The following C1GALT1 variants were observed in gnomAD, a reference collection of about 807,000 sequenced individuals.
C1GALT1 encodes the protein glycoprotein-N-acetylgalactosamine 3-beta-galactosyltransferase 1.
In C1GALT1, 11 loss-of-function variants were observed where a neutral mutation model predicts 31.0. The observed-to-expected ratio is 0.36, with a 90% confidence interval of 0.22 to 0.59. The LOEUF (loss-of-function observed/expected upper bound fraction) is 0.59. C1GALT1 is among the 20% of genes least tolerant of loss of function. The probability of loss-of-function intolerance (pLI) is 0.79; values close to 1 mark genes in which losing one functional copy is unlikely to be tolerated. For missense variants in C1GALT1, 424 were observed against 425.2 expected, an observed-to-expected ratio of 1.00 and a Z score of 0.03; for synonymous variants, 175 against 143.6, an observed-to-expected ratio of 1.22 and a Z score of -1.56.
intron 1 of C1GALT1, among the ~76,000 whole-genome samples, chr7:7,200,620 C>G (rs2128235476): frequency 6.6e-6 from 1 of 152,330 alleles, no homozygotes; most frequent in South Asian, 2.1e-4. Context: ...CTCCCTGTCA[C>G]TTTCAGGTAC....
At position 7,244,135 on chromosome 7, in the gene C1GALT1, T is replaced by C. The variant is rs1783753544; in HGVS notation, c.*408T>C. On this transcript the variant is annotated 3_prime_UTR_variant, in exon 4 of 4. Transcript: ENST00000436587. The stretch of plus-strand genomic sequence containing the variant: ...AAGAAAAGAAAATTTTAGAAAGAAA[T>C]ATTGTTGCTCAGTGTTGTTAATATA... 1 of 154,068 alleles carries C rather than the reference T, an allele frequency of 6.5e-6. No individual in the cohort carries two copies. The highest frequency in any genetic ancestry group is 6.5e-5 in the Admixed American group (1 of 15,442). 9.5% of individuals were successfully genotyped at this position (154,068 alleles called of 1,614,324 possible). A position where few individuals can be genotyped will look rare whatever the true frequency, so the allele number is the denominator to read the frequency against.
intron 1 of C1GALT1, among the ~76,000 whole-genome samples, chr7:7,205,959 T>G (rs1781720742): frequency 6.6e-6 from 1 of 152,188 alleles, no homozygotes. Flanking sequence ...TTTGTAGCTA[T>G]TTTGTCCTTA....
At chr7:7,206,319 T>A (rs1433428521) in intron 1 of C1GALT1, among the ~76,000 whole-genome samples, 1 of 152,182 alleles carries the variant, frequency 6.6e-6, no homozygotes, top group Non-Finnish European at 1.5e-5. Flanking sequence ...AGCTACAAGT[T>A]ATTATCTAGT....
intron 1 of C1GALT1, among the ~76,000 whole-genome samples, chr7:7,218,203 A>T (rs1278977744): frequency 6.6e-6 from 1 of 152,174 alleles, no homozygotes; most frequent in Non-Finnish European, 1.5e-5. Flanking sequence ...AGTCATAAAG[A>T]TTAAAATGGT....
At chr7:7,239,401 A>G (rs1783521236) in intron 3 of C1GALT1, among the ~76,000 whole-genome samples, 1 of 152,162 alleles carries the variant, frequency 6.6e-6, no homozygotes, top group South Asian at 2.1e-4. Flanking sequence ...TTAGAGAGCA[A>G]GTTGGGTGAA....
At chr7:7,175,847 T>C (rs56278796) in intron 2 of C1GALT1, among the ~76,000 whole-genome samples, 18,904 of 152,124 alleles carry the variant, frequency 0.12, 1,392 homozygotes, top group African/African-American at 0.2. Flanking sequence ...CTTCTCTCTG[T>C]GTCCTTACAT....
At chr7:7,195,111 AC>A (rs1398742621) in intron 1 of C1GALT1, among the ~76,000 whole-genome samples, 1 of 152,126 alleles carries the variant, frequency 6.6e-6, no homozygotes, top group Admixed American at 6.6e-5. Flanking sequence ...TTTTCAAAGA[AC>A]CAGCTTTCTG....
chr7:7,160,297 A>C (rs1179754526), intron 2 of C1GALT1, among the ~76,000 whole-genome samples: 2 of 152,036 alleles, frequency 1.3e-5, no homozygotes, highest in African/African-American at 2.4e-5. Context: ...AACTGTATAG[A>C]GTGTTATTTC....
At chr7:7,210,186 T>C (rs1781928125) in intron 1 of C1GALT1, among the ~76,000 whole-genome samples, 1 of 152,134 alleles carries the variant, frequency 6.6e-6, no homozygotes, top group Non-Finnish European at 1.5e-5. Flanking sequence ...TTTGTGACTC[T>C]TGGAACAGTA....
intron 1 of C1GALT1, among the ~76,000 whole-genome samples, chr7:7,230,621 CCTTT>C (rs1254737239): frequency 5.3e-4 from 59 of 110,806 alleles, no homozygotes; most frequent in African/African-American, 2.0e-3. Context: ...TTCTATATTC[CCTTT>C]TTTTTTTTTT....
intron 1 of C1GALT1, among the ~76,000 whole-genome samples, chr7:7,219,137 A>G (rs555194100): frequency 5.9e-5 from 9 of 152,292 alleles, no homozygotes; most frequent in Non-Finnish European, 1.3e-4. Context: ...TGCGCCTGGC[A>G]TGGAAATAGT....
intron 1 of C1GALT1, among the ~76,000 whole-genome samples, chr7:7,186,760 A>T (rs141633967): frequency 7.4e-4 from 112 of 152,294 alleles, no homozygotes; most frequent in African/African-American, 2.7e-3. Flanking sequence ...GGCACGTTTG[A>T]GGAATGACAA....
chr7:7,195,656 T>TA (rs78752002), intron 1 of C1GALT1, among the ~76,000 whole-genome samples: 32,468 of 152,018 alleles, frequency 0.21, 4,405 homozygotes, highest in African/African-American at 0.38. Flanking sequence ...TAGTTGTTGG[T>TA]AAATGTTCTG....
At chr7:7,202,080 A>G (rs376626230) in intron 1 of C1GALT1, among the ~76,000 whole-genome samples, 1 of 152,304 alleles carries the variant, frequency 6.6e-6, no homozygotes, top group African/African-American at 2.4e-5. Context: ...TCTCAGCTCC[A>G]GGTGAGGTCA....
intron 1 of C1GALT1, chr7:7,183,689 A>G (rs1203850804): frequency 1.8e-5 from 13 of 705,282 alleles, no homozygotes; most frequent in African/African-American, 2.8e-5. Flanking sequence ...ACCACCCCGC[A>G]TTTAAAGCAA....
intron 2 of C1GALT1, among the ~76,000 whole-genome samples, chr7:7,237,698 T>G (rs1783430189): frequency 6.6e-6 from 1 of 152,222 alleles, no homozygotes; most frequent in Non-Finnish European, 1.5e-5. Flanking sequence ...AGGGTACTTG[T>G]AGAAATTCTT....
upstream of C1GALT1, among the ~76,000 whole-genome samples, chr7:7,181,387 C>A (rs1780585213): frequency 6.6e-6 from 1 of 152,134 alleles, no homozygotes; most frequent in African/African-American, 2.4e-5. Context: ...ATAACCTGGA[C>A]ATCAGGATAG....
At chr7:7,208,106 ATGTTAC>A (rs1423240740) in intron 1 of C1GALT1, among the ~76,000 whole-genome samples, 39 of 152,136 alleles carry the variant, frequency 2.6e-4, no homozygotes, top group African/African-American at 9.2e-4. Context: ...CACGTTGTAT[ATGTTAC>A]TCACCCGATA....
At chr7:7,205,718 G>C (rs949978481) in intron 1 of C1GALT1, among the ~76,000 whole-genome samples, 1 of 152,002 alleles carries the variant, frequency 6.6e-6, no homozygotes, top group Non-Finnish European at 1.5e-5. Context: ...TCTGATATTA[G>C]TATGGCACTT....
Sources: gnomAD v4.1 joint callset for allele counts (sites outside exome capture counted in the v4.1 genomes callset) on GRCh38, gnomAD v4.1.1 for gene constraint, MANE v1.5 for transcripts, NCBI Gene and HGNC (gene_info 2026-07-23, HGNC 2026-07-21) for gene names.